PCSK2: variants seen among roughly 807,000 people sequenced by gnomAD.
PCSK2 encodes the protein proprotein convertase subtilisin/kexin type 2.
PCSK2 carries 14 observed loss-of-function variants against 69.7 expected under a neutral mutation model. The observed-to-expected ratio is 0.20, with a 90% CI of 0.13 to 0.31. PCSK2 has a LOEUF of 0.31. Among genes scored for constraint, PCSK2 ranks in the 10% least tolerant of loss-of-function variants. The pLI is 1.00. For synonymous variants in PCSK2, 307 were observed against 320.7 expected, an observed-to-expected ratio of 0.96 and a Z score of 0.46; for missense variants, 544 against 842.5, an observed-to-expected ratio of 0.65 and a Z score of 4.39.
At chr20:17,323,378 A>C (rs1326664614) in intron 2 of PCSK2, among the ~76,000 whole-genome samples, 2 of 152,142 alleles carry the variant, frequency 1.3e-5, no homozygotes, top group Non-Finnish European at 2.9e-5. Context: ...ACATGCCAAC[A>C]CCTTGATCTC....
intron 2 of PCSK2, among the ~76,000 whole-genome samples, chr20:17,353,782 T>C (rs2030096341): frequency 6.6e-6 from 1 of 152,152 alleles, no homozygotes; most frequent in South Asian, 2.1e-4. Flanking sequence ...GAAAATGTGG[T>C]ACACCTCATA....
At chr20:17,452,351 T>A (rs1357849468) in intron 8 of PCSK2, among the ~76,000 whole-genome samples, 2 of 152,224 alleles carry the variant, frequency 1.3e-5, no homozygotes, top group Non-Finnish European at 1.5e-5. Flanking sequence ...TGAGAATAGT[T>A]CCCAGCTAGT....
chr20:17,412,634 C>T (rs1456626734), intron 6 of PCSK2, among the ~76,000 whole-genome samples: 1 of 152,148 alleles, frequency 6.6e-6, no homozygotes, highest in Non-Finnish European at 1.5e-5. Flanking sequence ...AGAACTTCCC[C>T]AACCTAGCAA....
At chr20:17,468,979 T>C (rs770591570) in intron 11 of PCSK2, among the ~76,000 whole-genome samples, 4 of 152,266 alleles carry the variant, frequency 2.6e-5, no homozygotes, top group Non-Finnish European at 5.9e-5. Flanking sequence ...GGCCTCACTC[T>C]AATCAGCACC....
At chr20:17,424,150 C>T (rs550765654) in intron 6 of PCSK2, among the ~76,000 whole-genome samples, 1 of 152,160 alleles carries the variant, frequency 6.6e-6, no homozygotes, top group East Asian at 1.9e-4. Context: ...AATTAAATAC[C>T]TATCATTAGA....
At chr20:17,370,747 G>T (rs1300850028) in intron 5 of PCSK2, among the ~76,000 whole-genome samples, 1 of 152,184 alleles carries the variant, frequency 6.6e-6, no homozygotes, top group African/African-American at 2.4e-5. Context: ...AGTCCTTGCT[G>T]CCTCTCCCTG....
intron 6 of PCSK2, among the ~76,000 whole-genome samples, chr20:17,411,732 C>A (rs1272509222): frequency 1.3e-5 from 2 of 152,242 alleles, no homozygotes; most frequent in Admixed American, 6.5e-5. Context: ...CCCTTACCCC[C>A]ATGTAGCCTA....
At chr20:17,294,318 G>T (rs1176103788) in intron 2 of PCSK2, among the ~76,000 whole-genome samples, 1 of 151,730 alleles carries the variant, frequency 6.6e-6, no homozygotes, top group Non-Finnish European at 1.5e-5. Flanking sequence ...GTGTTAGCCA[G>T]GATGGTCTCG....
At chr20:17,380,596 G>A (rs187145639) in intron 5 of PCSK2, among the ~76,000 whole-genome samples, 39 of 152,240 alleles carry the variant, frequency 2.6e-4, no homozygotes, top group Admixed American at 1.8e-3. Flanking sequence ...ATTCAATTCA[G>A]TAGTGCACAC....
intron 1 of PCSK2, among the ~76,000 whole-genome samples, chr20:17,247,259 C>T (rs1284057551): frequency 6.6e-6 from 1 of 152,150 alleles, no homozygotes. Flanking sequence ...TAAGAGATTG[C>T]ATGCAATTGA....
At chr20:17,263,206 G>A in intron 2 of PCSK2, 3 of 823,044 alleles carry the variant, frequency 3.6e-6, no homozygotes, top group Non-Finnish European at 4.4e-6. Flanking sequence ...AATGATGTTT[G>A]CCTCTCATGT....
intron 5 of PCSK2, among the ~76,000 whole-genome samples, chr20:17,386,591 C>G (rs1244732499): frequency 2.0e-5 from 3 of 152,078 alleles, no homozygotes; most frequent in African/African-American, 7.2e-5. Flanking sequence ...AGTAATCAAA[C>G]TCATAGAGAC....
At chr20:17,407,281 A>C (rs951448460) in intron 5 of PCSK2, among the ~76,000 whole-genome samples, 11 of 152,308 alleles carry the variant, frequency 7.2e-5, no homozygotes, top group Middle Eastern at 3.4e-3. Context: ...AGGAAGAGGC[A>C]GCCTCAGGGG....
chr20:17,429,601 T>C (rs952700078), intron 7 of PCSK2, 78 bp downstream of exon 7: 4 of 945,802 alleles, frequency 4.2e-6, no homozygotes, highest in Non-Finnish European at 6.3e-6. Context: ...CAGCAAAAAA[T>C]CCCACTGGTG....
intron 8 of PCSK2, among the ~76,000 whole-genome samples, chr20:17,445,309 C>T (rs2032676753): frequency 1.3e-5 from 2 of 152,212 alleles, no homozygotes; most frequent in Non-Finnish European, 2.9e-5. Flanking sequence ...AATGCAGCCA[C>T]CCAGGGCAAC....
intron 10 of PCSK2, 109 bp from the exon 11 acceptor site, chr20:17,465,217 T>C (rs760457442): frequency 1.0e-4 from 81 of 812,302 alleles, no homozygotes; most frequent in African/African-American, 1.2e-4. Context: ...TCCAAAATCT[T>C]ACAAGAGGTC....
intron 5 of PCSK2, among the ~76,000 whole-genome samples, chr20:17,400,546 G>C (rs1354293480): frequency 6.6e-6 from 1 of 152,032 alleles, no homozygotes. Context: ...CACTCCATAT[G>C]TGCTACCTGA....
chr20:17,347,251 A>G (rs1277334102), intron 2 of PCSK2, among the ~76,000 whole-genome samples: 5 of 152,110 alleles, frequency 3.3e-5, no homozygotes, highest in East Asian at 1.9e-4. Flanking sequence ...CAAGGAAGCA[A>G]TTAAGCCGGC....
At chr20:17,402,893 C>A (rs537519666) in intron 5 of PCSK2, among the ~76,000 whole-genome samples, 1 of 151,514 alleles carries the variant, frequency 6.6e-6, no homozygotes, top group East Asian at 1.9e-4. Context: ...GGAGGCGGAG[C>A]TTGCAGTGAG....
Sources: allele counts gnomAD v4.1 joint callset (sites outside exome capture counted in the v4.1 genomes callset), GRCh38; gene constraint gnomAD v4.1.1; transcripts MANE v1.5; gene names NCBI Gene and HGNC (gene_info 2026-07-23, HGNC 2026-07-21).